Variants in RASL12 observed in about 807,000 individuals in gnomAD.
The protein encoded by RASL12 is ras-like protein family member 12.
A neutral mutation model predicts 22.9 loss-of-function variants in RASL12; 16 were observed. That is an observed-to-expected ratio of 0.70 (90% confidence interval 0.47 to 1.06). The LOEUF (loss-of-function observed/expected upper bound fraction) is 1.06. Ranked by LOEUF, RASL12 falls within the 50% of genes least tolerant of loss-of-function variation. RASL12 has a pLI of 0.00. For synonymous variants in RASL12, 159 were observed against 152.2 expected, an observed-to-expected ratio of 1.04 and a Z score of -0.33; for missense variants, 306 against 353.1, an observed-to-expected ratio of 0.87 and a Z score of 1.07.
chr15:65,075,410 G>A (rs2086960078), intron 1 of RASL12, among the ~76,000 whole-genome samples: 1 of 152,276 alleles, frequency 6.6e-6, no homozygotes, highest in Admixed American at 6.5e-5. Context: ...AGGAATGCGA[G>A]CGCATGGTGC....
chr15:65,059,652 C>G (rs1275594565), intron 2 of RASL12, among the ~76,000 whole-genome samples: 3 of 152,152 alleles, frequency 2.0e-5, no homozygotes, highest in Non-Finnish European at 4.4e-5. Context: ...CAGACCACAC[C>G]TCGGGGGTGG....
intron 3 of RASL12, 29 bp from the exon 4 acceptor site, chr15:65,058,646 G>T (rs142906957): frequency 2.0e-6 from 3 of 1,466,324 alleles, no homozygotes; most frequent in Admixed American, 2.2e-5. Flanking sequence ...GCCCCGCCGG[G>T]GGGCAGAGGA....
intron 4 of RASL12, among the ~76,000 whole-genome samples, chr15:65,057,125 A>G (rs1348743828): frequency 6.6e-6 from 1 of 152,132 alleles, no homozygotes. Context: ...CCACCTTTGA[A>G]GGCCTCTCAC....
At position 65,067,916 on chromosome 15, in the gene RASL12, G is replaced by T. The variant is rs979048825; in HGVS notation, c.-81C>A. The T allele has an allele frequency of 1.0e-5, 14 of 1,342,640 alleles. No individual in the cohort carries two copies. Among genetic ancestry groups the T allele is most frequent in the African/African-American group, 3.1e-5 (2 of 64,360 alleles). The allele number at this position is 1,342,640 out of a possible 1,614,324, so 83.2% of individuals were successfully genotyped here. A position where few individuals can be genotyped will look rare whatever the true frequency, so the allele number is the denominator to read the frequency against. On this transcript the variant is annotated 5_prime_UTR_variant, in exon 1 of 5. Transcript: ENST00000220062. The stretch of plus-strand genomic sequence containing the variant: ...CCCGCCCGTCGGGGCCCAGGGGAGC[G>T]GGATGCAGGCTTCCCTGGAGCGCGC...
downstream of RASL12, chr15:65,051,654 C>T (rs754955411): frequency 3.9e-6 from 6 of 1,557,702 alleles, no homozygotes; most frequent in African/African-American, 4.1e-5. Flanking sequence ...GGGGTAGAGG[C>T]CCTGCCTTCC....
intron 2 of RASL12, among the ~76,000 whole-genome samples, chr15:65,062,433 T>C (rs1407476700): frequency 2.6e-5 from 4 of 152,172 alleles, no homozygotes; most frequent in Non-Finnish European, 4.4e-5. Context: ...ATGAGGCTGC[T>C]CCTAGCGGAG....
chr15:65,052,936 C>G (rs1350641540), downstream of RASL12: 5 of 1,521,966 alleles, frequency 3.3e-6, no homozygotes, highest in Admixed American at 8.6e-5. Flanking sequence ...ACTCAGCCCC[C>G]CTCATTAACA....
chr15:65,054,830 G>T lies in RASL12; in HGVS notation c.*69C>A, dbSNP rs1204675442. 3 of 1,537,028 alleles carry T rather than the reference G, an allele frequency of 2.0e-6. No homozygotes were observed. The highest frequency in any genetic ancestry group is 1.2e-5 in the South Asian group (1 of 80,094). On this transcript the variant is annotated 3_prime_UTR_variant, in exon 5 of 5. Transcript: ENST00000220062. ...TCCATCAGACGGAAAGGCTGGTGGTGAGAAGCCAGTCCCTGTCCTGCTGCA... is the reference window on the plus strand; with the variant it reads ...TCCATCAGACGGAAAGGCTGGTGGTTAGAAGCCAGTCCCTGTCCTGCTGCA...
intron 2 of RASL12, among the ~76,000 whole-genome samples, chr15:65,060,551 G>A (rs1233051415): frequency 6.6e-6 from 1 of 152,126 alleles, no homozygotes; most frequent in Non-Finnish European, 1.5e-5. Flanking sequence ...GCAACAAGTG[G>A]CCAGGCATGC....
At chr15:65,051,755 C>T, downstream of RASL12, 1 of 596,616 alleles carries the variant, frequency 1.7e-6, no homozygotes, top group Non-Finnish European at 2.9e-6. Context: ...CTTCGAGAAC[C>T]CCAAGCTGTT....
intron 2 of RASL12, among the ~76,000 whole-genome samples, chr15:65,063,679 C>G (rs1294008003): frequency 6.6e-6 from 1 of 152,186 alleles, no homozygotes; most frequent in Non-Finnish European, 1.5e-5. Flanking sequence ...CCCCTTTGCT[C>G]TCTCTGTTTG....
At chr15:65,072,189 A>T (rs891118742), upstream of RASL12, among the ~76,000 whole-genome samples, 7 of 152,154 alleles carry the variant, frequency 4.6e-5, no homozygotes, top group Admixed American at 6.5e-5. Flanking sequence ...GATAGTATTC[A>T]TGGGGACTTC....
chr15:65,059,403 G>A lies in RASL12; in HGVS notation c.176C>T (p.Ser59Phe). Reference protein sequence around the residue: ...YDPNLEDTYSSEETVDHQPVH... With the variant: ...YDPNLEDTYSFEETVDHQPVH... ...AGGCTGGTGGTCCACAGTCTCCTCG[G>A]AGCTGTAGGTGTCCTCTACAACACA... Residue 59 changes from serine to phenylalanine, a missense_variant, in exon 3 of 5, where the codon TCC (serine) becomes TTC (phenylalanine). By Grantham distance (155) the Ser-to-Phe change is radical. Transcript: ENST00000220062. 1 of 1,613,826 alleles carries A rather than the reference G, an allele frequency of 6.2e-7. No individual in the cohort carries two copies. Among genetic ancestry groups the A allele is most frequent in the Non-Finnish European group, 8.5e-7 (1 of 1,179,896 alleles).
the RASL12 span, among the ~76,000 whole-genome samples, chr15:65,047,508 A>G: frequency 2.0e-5 from 3 of 152,116 alleles, no homozygotes; most frequent in African/African-American, 7.2e-5. Context: ...CTCATCCCAC[A>G]CCCTAGAAGA....
At chr15:65,071,971 T>C (rs1019173198), upstream of RASL12, among the ~76,000 whole-genome samples, 1 of 152,232 alleles carries the variant, frequency 6.6e-6, no homozygotes, top group Non-Finnish European at 1.5e-5. Context: ...AAATCATTTC[T>C]AAGCCTTTGT....
At chr15:65,073,210 G>A (rs1446888064) in intron 1 of RASL12, among the ~76,000 whole-genome samples, 1 of 152,204 alleles carries the variant, frequency 6.6e-6, no homozygotes, top group Non-Finnish European at 1.5e-5. Flanking sequence ...AGACAGCGGA[G>A]GGGAGATGGT....
chr15:65,050,282 T>C (rs923610896), downstream of RASL12, among the ~76,000 whole-genome samples: 1 of 152,186 alleles, frequency 6.6e-6, no homozygotes, highest in African/African-American at 2.4e-5. Context: ...CCCTTCCTTT[T>C]CTCAGGGTGT....
chr15:65,065,066 C>G, intron 2 of RASL12, 151 bp downstream of exon 2: 3 of 673,610 alleles, frequency 4.5e-6, no homozygotes, highest in Non-Finnish European at 7.4e-6. Context: ...ACACTTAAAA[C>G]ATTTTCCCCC....
chr15:65,047,272 G>T, the RASL12 span, among the ~76,000 whole-genome samples: 1 of 151,170 alleles, frequency 6.6e-6, no homozygotes, highest in Middle Eastern at 3.4e-3. Context: ...GGAGGCGGTG[G>T]TTGCAGTGAG....
Sources: gnomAD v4.1 joint callset for allele counts (sites outside exome capture counted in the v4.1 genomes callset) on GRCh38, gnomAD v4.1.1 for gene constraint, MANE v1.5 for transcripts, NCBI Gene and HGNC (gene_info 2026-07-23, HGNC 2026-07-21) for gene names.